The following KCNQ1 variants were observed in gnomAD, a reference collection of about 807,000 sequenced individuals.
The protein encoded by KCNQ1 is potassium voltage-gated channel subfamily KQT member 1.
In KCNQ1, 49 loss-of-function variants were observed where a neutral mutation model predicts 72.4. The ratio of observed to expected loss-of-function variants is 0.68; its 90% CI spans 0.54 to 0.86. The LOEUF (loss-of-function observed/expected upper bound fraction) is 0.86, where lower values mean the gene tolerates loss of function less well. Among genes scored for constraint, KCNQ1 ranks in the 40% least tolerant of loss-of-function variants. KCNQ1 has a pLI of 0.00. For missense variants in KCNQ1, 790 were observed against 945.1 expected (o/e 0.84, Z 2.15); for synonymous variants, 450 against 412.6 (o/e 1.09, Z -1.10).
chr11:2,661,982 T>C lies in KCNQ1; in HGVS notation c.1415T>C (p.Leu472Pro), dbSNP rs544402388. The C allele has an allele frequency of 1.9e-6, 3 of 1,614,224 alleles. No individual in the cohort carries two copies. The highest frequency in any genetic ancestry group is 4.5e-5 in the East Asian group (2 of 44,876). The stretch of plus-strand genomic sequence containing the variant: ...TCAGTAAGGAAGAGCCCAACACTGC[T>C]GGAAGTGAGCATGCCCCATTTCATG... ...DSSVRKSPTLLEVSMPHFMRT... is the reference protein window; with the variant it reads ...DSSVRKSPTLPEVSMPHFMRT... Residue 472 changes from leucine (L) to proline (P), a missense_variant, in exon 11 of 16, where the codon CTG (leucine) becomes CCG (proline). This residue lies in a region of KCNQ1 where 178 missense variants were observed against 177.9 expected (regional missense o/e 1.00). Transcript: ENST00000155840. The surrounding 1 kb of genome is among the most constrained non-coding windows in gnomAD (Gnocchi z 5.9).
At chr11:2,699,155 C>T (rs768660477) in intron 11 of KCNQ1, 2 of 398,608 alleles carry the variant, frequency 5.0e-6, no homozygotes, top group African/African-American at 4.1e-5. Flanking sequence ...TCAGCCCACT[C>T]TGAACCACCA....
intron 2 of KCNQ1, among the ~76,000 whole-genome samples, chr11:2,557,410 A>G (rs933101463): frequency 3.3e-5 from 5 of 152,270 alleles, no homozygotes; most frequent in African/African-American, 1.2e-4. Flanking sequence ...AAGTGAGGAC[A>G]TGGACAGGTA....
rs185512722 is a variant in KCNQ1, at chr11:2,498,534, G to A, written c.387-29394G>A. ...CTCAGTAATACCAAATGCCCCTCCC[G>A]CCACCAAGCTTGAGCATCCCAGGTC... On this transcript the variant is annotated intron_variant, in intron 1 of 15. Transcript: ENST00000155840. The surrounding 1 kb of genome is among the most constrained non-coding windows in gnomAD (Gnocchi z 4.8). 2.0e-4 allele frequency among the ~76,000 whole-genome samples: 30 copies of A among 152,242 alleles called. No homozygotes were observed. The highest frequency in any genetic ancestry group is 3.4e-4 in the Non-Finnish European group (23 of 68,018).
intron 1 of KCNQ1, among the ~76,000 whole-genome samples, chr11:2,474,122 T>C (rs1341356470): frequency 6.6e-6 from 1 of 152,134 alleles, no homozygotes. Flanking sequence ...GAAACAGGCT[T>C]TCCTCACTGA....
chr11:2,683,360 C>T lies in KCNQ1; in HGVS notation c.1514+21279C>T. The T allele has an allele frequency of 2.5e-6, 1 of 398,626 alleles. No homozygotes were observed. Among genetic ancestry groups the T allele is most frequent in the Non-Finnish European group, 4.4e-6 (1 of 226,060 alleles). 24.7% of individuals were successfully genotyped at this position (398,626 alleles called of 1,614,324 possible). ...CACTAGGCCACTGTGCCTGCCACTG[C>T]TGTCTGCAAATGCAGGTTCCTGGGG... On this transcript the variant is annotated intron_variant, in intron 11 of 15. Coordinates refer to ENST00000155840, the MANE Select transcript of KCNQ1 (RefSeq NM_000218.3). The surrounding 1 kb of genome is among the most constrained non-coding windows in gnomAD (Gnocchi z 4.7).
chr11:2,505,730 G>T lies in KCNQ1; in HGVS notation c.387-22198G>T, dbSNP rs1463057034. On this transcript the variant is annotated intron_variant, in intron 1 of 15. Transcript: ENST00000155840. ...CTTTAAGTGTGCAGCGTCCTCTTTTGTCTCTTGTGACCTTTCTAGGTTTAT... is the reference window on the plus strand; with the variant it reads ...CTTTAAGTGTGCAGCGTCCTCTTTTTTCTCTTGTGACCTTTCTAGGTTTAT... Among the ~76,000 whole-genome samples, 5 of 152,222 alleles carry T rather than the reference G, an allele frequency of 3.3e-5. No individual in the cohort carries two copies. In the South Asian group the frequency reaches 8.3e-4, roughly 25 times the overall value.
chr11:2,796,243 T>C (rs1165681148), intron 15 of KCNQ1, among the ~76,000 whole-genome samples: 1 of 151,616 alleles, frequency 6.6e-6, no homozygotes, highest in Non-Finnish European at 1.5e-5. Context: ...GCACGGCCCC[T>C]GGCCCCCTGC....
rs1208119503 is a variant in KCNQ1, at chr11:2,652,642, C to T, written c.1394-9319C>T. ...TCTTGGGAGACCTAGACAGTGACTT[C>T]CTGCAGCATGGAGACCCGGGTGGGT... On this transcript the variant is annotated intron_variant, in intron 10 of 15. Coordinates refer to ENST00000155840, the MANE Select transcript of KCNQ1 (RefSeq NM_000218.3). The surrounding 1 kb of genome is among the most constrained non-coding windows in gnomAD (Gnocchi z 5.9). 1 of 398,630 alleles carries T rather than the reference C, an allele frequency of 2.5e-6. No individual in the cohort carries two copies. The highest frequency in any genetic ancestry group is 4.4e-6 in the Non-Finnish European group (1 of 226,174). The allele number at this position is 398,630 out of a possible 1,614,324, so 24.7% of individuals were successfully genotyped here. A position where few individuals can be genotyped will look rare whatever the true frequency, so the allele number is the denominator to read the frequency against.
chr11:2,729,525 C>T (rs1312348671), intron 11 of KCNQ1, among the ~76,000 whole-genome samples: 1 of 152,232 alleles, frequency 6.6e-6, no homozygotes, highest in East Asian at 1.9e-4. Context: ...GCTCTGCATC[C>T]ATGGATTCAA....
Position 2,834,108 on chromosome 11 carries a change from G to A in KCNQ1, c.1795-13659G>A, listed in dbSNP as rs144642461. Among the ~76,000 whole-genome samples, 343 of 152,342 alleles carry A rather than the reference G, an allele frequency of 2.3e-3. 1 individual carries two copies. Among genetic ancestry groups the A allele is most frequent in the African/African-American group, 8.0e-3 (334 of 41,568 alleles). ...TGCATTCGTGCAGGATGGGCTCAGC[G>A]CCTGCTGTGCCTGGCGTGGCTGTGT... On this transcript the variant is annotated intron_variant, in intron 15 of 15. Transcript: ENST00000155840.
chr11:2,800,415 G>A (rs940084057), intron 15 of KCNQ1, among the ~76,000 whole-genome samples: 25 of 152,212 alleles, frequency 1.6e-4, no homozygotes, highest in African/African-American at 6.0e-4. Context: ...ACCACTCCCA[G>A]CCCCTGCCAG....
In KCNQ1 at chr11:2,544,791, G is replaced by A. The variant is rs1029633533; in HGVS notation, c.477+16773G>A. The stretch of plus-strand genomic sequence containing the variant: ...TTACCTCTTTTTTTCAAATGTGGAC[G>A]CCTATTTGTTTCTTTTTCTGGCCTG... On this transcript the variant is annotated intron_variant, in intron 2 of 15. Transcript: ENST00000155840. This position sits in a 1 kb window ranked among gnomAD's most constrained non-coding sequence, Gnocchi z 4.4. 1.3e-5 allele frequency among the ~76,000 whole-genome samples: 2 copies of A among 151,944 alleles called. No homozygotes were observed. Among genetic ancestry groups the A allele is most frequent in the Admixed American group, 6.6e-5 (1 of 15,266 alleles).
chr11:2,530,638 AGT>A (rs1216712700), intron 2 of KCNQ1, among the ~76,000 whole-genome samples: 1 of 152,188 alleles, frequency 6.6e-6, no homozygotes, highest in African/African-American at 2.4e-5. Context: ...GTATTATGTA[AGT>A]GTGCATACAC....
At position 2,653,768 on chromosome 11, in the gene KCNQ1, A is replaced by G. The variant is rs1849793836; in HGVS notation, c.1394-8193A>G. ...TTCTTATTGGCCTCAGCTGGGGTAC[A>G]AGCCATCCTTGGACCTGCAGCTGTA... On this transcript the variant is annotated intron_variant, in intron 10 of 15. Coordinates refer to ENST00000155840, the MANE Select transcript of KCNQ1 (RefSeq NM_000218.3). This position sits in a 1 kb window ranked among gnomAD's most constrained non-coding sequence, Gnocchi z 5.3. 1 of 398,520 alleles carries G rather than the reference A, an allele frequency of 2.5e-6. No individual in the cohort carries two copies. Among genetic ancestry groups the G allele is most frequent in the East Asian group, 3.6e-5 (1 of 28,078 alleles). 24.7% of individuals were successfully genotyped at this position (398,520 alleles called of 1,614,324 possible). A position where few individuals can be genotyped will look rare whatever the true frequency, so the allele number is the denominator to read the frequency against.
At chr11:2,525,040 C>T (rs1564806395) in intron 1 of KCNQ1, among the ~76,000 whole-genome samples, 1 of 152,270 alleles carries the variant, frequency 6.6e-6, no homozygotes, top group South Asian at 2.1e-4. Flanking sequence ...GCAGTCATGG[C>T]GGAGGGAGCC....
intron 2 of KCNQ1, among the ~76,000 whole-genome samples, chr11:2,570,203 G>C (rs754232925): frequency 1.1e-4 from 16 of 147,716 alleles, no homozygotes; most frequent in Non-Finnish European, 2.9e-5. Context: ...CCCAAGCTGG[G>C]GTTCCTGGCG....
At chr11:2,788,487 T>C (rs1355889150) in intron 15 of KCNQ1, among the ~76,000 whole-genome samples, 4 of 152,096 alleles carry the variant, frequency 2.6e-5, no homozygotes, top group African/African-American at 7.2e-5. Flanking sequence ...TTAGGCAGCC[T>C]GGACTGCCCT....
rs36157752 is a variant in KCNQ1 at position 2,458,633 on chromosome 11, CTGGA to C, written c.386+13199_386+13202del. Among the ~76,000 whole-genome samples the C allele has an allele frequency of 0.027, 3,983 of 149,926 alleles. 58 individuals are homozygous for C. The highest frequency in any genetic ancestry group is 0.042 in the South Asian group (197 of 4,672). ...GCTCCCATCCACAATGCTTCCTTGC[CTGGA>C]TGGATGGATGGATGGATGGATGGAT... On this transcript the variant is annotated intron_variant, in intron 1 of 15. Coordinates refer to ENST00000155840, the MANE Select transcript of KCNQ1 (RefSeq NM_000218.3). The surrounding 1 kb of genome is among the most constrained non-coding windows in gnomAD (Gnocchi z 4.6).
chr11:2,827,641 C>CG lies in KCNQ1; in HGVS notation c.1795-20119dup, dbSNP rs1195809320. On this transcript the variant is annotated intron_variant, in intron 15 of 15. Coordinates refer to ENST00000155840, the MANE Select transcript of KCNQ1 (RefSeq NM_000218.3). This position sits in a 1 kb window ranked among gnomAD's most constrained non-coding sequence, Gnocchi z 6.7. ...GTTGATTAAAAAAAAAAAGTGGGGT[C>CG]GGGGGGGCGGGGGAGAGCGGCTATG... 5.3e-3 allele frequency among the ~76,000 whole-genome samples: 31 copies of CG among 5,814 alleles called. No homozygotes were observed. The highest frequency in any genetic ancestry group is 0.018 in the Admixed American group (8 of 452). 3.8% of individuals were successfully genotyped at this position (5,814 alleles called of 152,430 possible). A position where few individuals can be genotyped will look rare whatever the true frequency, so the allele number is the denominator to read the frequency against.
Sources: gnomAD v4.1 joint callset for allele counts (sites outside exome capture counted in the v4.1 genomes callset) on GRCh38, gnomAD v4.1.1 for gene constraint, gnomAD v4.1.1 regional missense constraint, Gnocchi (gnomAD v3.1) non-coding constraint, MANE v1.5 for transcripts, NCBI Gene and HGNC (gene_info 2026-07-23, HGNC 2026-07-21) for gene names.